GMPPA: variants seen among roughly 807,000 people sequenced by gnomAD.
The protein encoded by GMPPA is GDP-mannose pyrophosphorylase A.
In GMPPA, 46 loss-of-function variants were observed where a neutral mutation model predicts 58.6. That is an observed-to-expected ratio of 0.78 (90% CI 0.62 to 1.00). GMPPA has a LOEUF of 1.00. Ranked by LOEUF, GMPPA falls within the 50% of genes least tolerant of loss-of-function variation. The probability of loss-of-function intolerance (pLI) is 0.00; values close to 1 mark genes in which losing one functional copy is unlikely to be tolerated. For synonymous variants in GMPPA, 211 were observed against 214.9 expected, an observed-to-expected ratio of 0.98 and a Z score of 0.16; for missense variants, 468 against 556.4, an observed-to-expected ratio of 0.84 and a Z score of 1.60.
At chr2:219,505,013 G>A (rs1481522712) in intron 7 of GMPPA, 1 of 853,656 alleles carries the variant, frequency 1.2e-6, no homozygotes, top group Non-Finnish European at 1.7e-6. Flanking sequence ...TCTGCCTGGG[G>A]CTCCCTTGTG....
chr2:219,501,256 C>CT, intron 3 of GMPPA: 1 of 544,428 alleles, frequency 1.8e-6, no homozygotes. Flanking sequence ...GAGCGAGACC[C>CT]TTTTTCACAA....
At chr2:219,499,394 T>G (rs1694308771) in intron 1 of GMPPA, 1 of 157,628 alleles carries the variant, frequency 6.3e-6, no homozygotes, top group Admixed American at 6.1e-5. Flanking sequence ...ACTCAGGGTT[T>G]GCTGTCCAAT....
intron 1 of GMPPA, 45 bp from the exon 2 acceptor site, chr2:219,499,911 T>C (rs1694328538): frequency 1.2e-5 from 18 of 1,492,542 alleles, no homozygotes; most frequent in Non-Finnish European, 1.7e-5. Context: ...TGGGGCTTGG[T>C]TGGGGTAGGA....
rs200375154 is a variant in GMPPA, at chr2:219,505,224, C to T, written c.621-4C>T. 11 of 1,612,844 alleles carry T rather than the reference C, an allele frequency of 6.8e-6. No homozygotes were observed. The East Asian group carries it at 2.5e-4, about 36-fold the overall frequency. The stretch of plus-strand genomic sequence containing the variant: ...CTAATGTCAGCATTCTTCCTCTCTG[C>T]CAGGGAGGACTCACCAGGCTTGTGG... On this transcript the variant is annotated splice_region_variant and splice_polypyrimidine_tract_variant and intron_variant, in intron 7 of 12. Transcript: ENST00000313597.
At chr2:219,504,265 C>G (rs1395301211) in intron 7 of GMPPA, 52 bp downstream of exon 7, 5 of 1,553,992 alleles carry the variant, frequency 3.2e-6, no homozygotes, top group Non-Finnish European at 4.4e-6. Flanking sequence ...GTCACGGACC[C>G]CAACACATAC....
At chr2:219,506,200 G>T (rs989119234) in intron 11 of GMPPA, 54 bp from the exon 12 acceptor site, 1 of 1,553,920 alleles carries the variant, frequency 6.4e-7, no homozygotes. Flanking sequence ...CACACCCTCC[G>T]GTTCCTGCTG....
chr2:219,499,741 A>G (rs111476960), intron 1 of GMPPA: 2 of 591,652 alleles, frequency 3.4e-6, no homozygotes, highest in Admixed American at 3.0e-5. Context: ...AAGTGCTGCT[A>G]TTTGGGGTTT....
chr2:219,506,195 C>T (rs1694585145), intron 11 of GMPPA, 59 bp from the exon 12 acceptor site: 2 of 1,541,988 alleles, frequency 1.3e-6, no homozygotes, highest in Non-Finnish European at 1.8e-6. Context: ...CACCTCACAC[C>T]CTCCGGTTCC....
In GMPPA at chr2:219,502,089, T is replaced by C; in HGVS notation, c.429+52T>C. On this transcript the variant is annotated intron_variant, in intron 5 of 12. Transcript: ENST00000313597. This position sits in a 1 kb window ranked among gnomAD's most constrained non-coding sequence, Gnocchi z 4.0. The stretch of plus-strand genomic sequence containing the variant: ...TGTAGAGGAGGTGATCCCAAGAGCT[T>C]CCCGGAATTCAGGGTGTTGGGGAGG... 6.3e-7 allele frequency: 1 copy of C among 1,581,662 alleles called. No homozygotes were observed.
rs1304488930 is a variant in GMPPA, at chr2:219,501,467, T to G, written c.139-9T>G. Reference sequence around the variant, plus strand: ...TATTCTTCATCCCAGCCTCTTCCCTTGTCCTCAGGTCCCTGGAATGCAGGA... The same window carrying G: ...TATTCTTCATCCCAGCCTCTTCCCTGGTCCTCAGGTCCCTGGAATGCAGGA... On this transcript the variant is annotated splice_polypyrimidine_tract_variant and intron_variant, in intron 3 of 12. Transcript: ENST00000313597. 3 of 1,493,918 alleles carry G rather than the reference T, an allele frequency of 2.0e-6. No homozygotes were observed. Among genetic ancestry groups the G allele is most frequent in the Non-Finnish European group, 2.8e-6 (3 of 1,070,450 alleles). The allele number at this position is 1,493,918 out of a possible 1,614,324, so 92.5% of individuals were successfully genotyped here.
rs759418965 is a variant in GMPPA at position 219,501,942 on chromosome 2, G to A, written c.334G>A (p.Val112Met). Reference protein sequence around the residue: ...ILAGSPEAFFVLNADVCSDFP... With the variant: ...ILAGSPEAFFMLNADVCSDFP... ...GGCTGGGAGCCCCGAGGCATTCTTC[G>A]TGCTCAATGCTGATGTCTGCTCCGA... is the stretch of plus-strand genomic sequence containing the variant. Residue 112 changes from valine (V) to methionine (M), a missense_variant, in exon 5 of 13, where the codon GTG becomes ATG. Transcript: ENST00000313597. 9.3e-6 allele frequency: 15 copies of A among 1,614,050 alleles called. No homozygotes were observed. Among genetic ancestry groups the A allele is most frequent in the African/African-American group, 4.0e-5 (3 of 74,932 alleles).
Position 219,498,921 on chromosome 2 carries a change from G to A in GMPPA, c.-38G>A, listed in dbSNP as rs1012361725. The stretch of plus-strand genomic sequence containing the variant: ...CTTGCAGTAGCGGGCGGCAGAGCTG[G>A]AGTGAAGGGAGCTAGTGGTAAAGGG... On this transcript the variant is annotated 5_prime_UTR_variant, in exon 1 of 13. Transcript: ENST00000313597. 1 of 152,374 alleles carries A rather than the reference G, an allele frequency of 6.6e-6. No individual in the cohort carries two copies. The highest frequency in any genetic ancestry group is 1.5e-5 in the Non-Finnish European group (1 of 68,148). The allele number at this position is 152,374 out of a possible 1,614,324, so 9.4% of individuals were successfully genotyped here.
chr2:219,501,552 C>T lies in GMPPA; in HGVS notation c.215C>T (p.Ala72Val). ...DEPLTQFLEAAQQEFNLPVRY... is the reference protein window; with the variant it reads ...DEPLTQFLEAVQQEFNLPVRY... The stretch of plus-strand genomic sequence containing the variant: ...CCCCTCACCCAGTTCCTAGAAGCCG[C>T]CCAGCAGGAGTTTAACCTTCCAGTC... The change falls in exon 4 of 13, where the codon GCC (alanine) becomes GTC (valine). Residue 72 changes from alanine to valine, a missense_variant. Transcript: ENST00000313597. 6.2e-7 allele frequency: 1 copy of T among 1,611,446 alleles called. No homozygotes were observed. Among genetic ancestry groups the T allele is most frequent in the Non-Finnish European group, 8.5e-7 (1 of 1,177,510 alleles).
Position 219,506,854 on chromosome 2 carries a change from G to A in GMPPA, c.*56G>A. On this transcript the variant is annotated 3_prime_UTR_variant, in exon 13 of 13. Transcript: ENST00000313597. ...CCCACTCCCCTTGAGGCTGCTGCCTGCTTGGCCAGCCTCTGTCCAGAAAGG... is the reference window on the plus strand; with the variant it reads ...CCCACTCCCCTTGAGGCTGCTGCCTACTTGGCCAGCCTCTGTCCAGAAAGG... 2.4e-6 allele frequency: 2 copies of A among 838,610 alleles called. No homozygotes were observed. Among genetic ancestry groups the A allele is most frequent in the Non-Finnish European group, 2.1e-6 (1 of 484,454 alleles). 51.9% of individuals were successfully genotyped at this position (838,610 alleles called of 1,614,324 possible). A position where few individuals can be genotyped will look rare whatever the true frequency, so the allele number is the denominator to read the frequency against.
chr2:219,503,719 C>T (rs73087238), intron 6 of GMPPA, among the ~76,000 whole-genome samples: 9,259 of 152,180 alleles, frequency 0.061, 331 homozygotes, highest in East Asian at 0.092. Flanking sequence ...CAAGAGAGGA[C>T]GCACAGAGAG....
rs756708119 is a variant in GMPPA at position 219,505,471 on chromosome 2, G to T, written c.769G>T (p.Ala257Ser). Residue 257 changes from alanine to serine, a missense_variant, in exon 9 of 13, where the codon GCC (alanine) becomes TCC (serine). Transcript: ENST00000313597. ...TGCGGTCCCCAGTTCAGCCCTCTAC[G>T]CCTCCCGCCTCTACCTGAGCCGATA... ...QIKSAGSALY[A>S]SRLYLSRYQD... 6.4e-7 allele frequency: 1 copy of T among 1,561,402 alleles called. No homozygotes were observed. The highest frequency in any genetic ancestry group is 8.7e-7 in the Non-Finnish European group (1 of 1,151,408).
chr2:219,499,885 G>C, intron 1 of GMPPA, 71 bp from the exon 2 acceptor site: 1 of 1,137,382 alleles, frequency 8.8e-7, no homozygotes. Context: ...AGGGCTAAGT[G>C]TTGCTATTTG....
intron 10 of GMPPA, 59 bp downstream of exon 10, chr2:219,505,820 C>G: frequency 7.3e-7 from 1 of 1,365,130 alleles, no homozygotes. Flanking sequence ...ATGGAGGGTG[C>G]CCACGCTGCC....
At chr2:219,500,281 T>C in intron 3 of GMPPA, 63 bp downstream of exon 3, 1 of 912,368 alleles carries the variant, frequency 1.1e-6, no homozygotes, top group Non-Finnish European at 1.8e-6. Context: ...GTTTCCCCCT[T>C]TCCCAACCAT....
Sources: gnomAD v4.1 joint callset for allele counts (sites outside exome capture counted in the v4.1 genomes callset) on GRCh38, gnomAD v4.1.1 for gene constraint, Gnocchi (gnomAD v3.1) non-coding constraint, MANE v1.5 for transcripts, NCBI Gene and HGNC (gene_info 2026-07-23, HGNC 2026-07-21) for gene names.